The following OR51D1 variants were observed in gnomAD, a reference collection of about 807,000 sequenced individuals.
The protein encoded by OR51D1 is olfactory receptor 51D1.
For synonymous variants in OR51D1, 187 were observed against 161.1 expected (o/e 1.16, Z -1.22); for missense variants, 452 against 396.2 (o/e 1.14, Z -1.20).
Position 4,641,457 on chromosome 11 carries a change from G to C in OR51D1, c.*692G>C, listed in dbSNP as rs79505112. On this transcript the variant is annotated 3_prime_UTR_variant, in exon 2 of 2. Transcript: ENST00000641817. Reference sequence around the variant, plus strand: ...GAGAGAGGGTGCACACATGGAATACGTACTGGTTGTGTCCTGGTGAGTGTG... The same window carrying C: ...GAGAGAGGGTGCACACATGGAATACCTACTGGTTGTGTCCTGGTGAGTGTG... The C allele has an allele frequency of 0.061, 9,242 of 152,638 alleles. 380 individuals are homozygous for C. Among genetic ancestry groups the C allele is most frequent in the Non-Finnish European group, 0.089 (6,045 of 68,158 alleles). 9.5% of individuals were successfully genotyped at this position (152,638 alleles called of 1,614,324 possible). A position where few individuals can be genotyped will look rare whatever the true frequency, so the allele number is the denominator to read the frequency against.
rs769338817 is a variant in OR51D1 at position 4,642,226 on chromosome 11, G to A, written c.*1461G>A. On this transcript the variant is annotated 3_prime_UTR_variant, in exon 2 of 2. Coordinates refer to ENST00000641817, the MANE Select transcript of OR51D1 (RefSeq NM_001004751.3). ...TTCATCCTGAACACAAGGATTTCAA[G>A]GGCTTTTGTTACCTCTTCCTACGTT... The A allele has an allele frequency of 2.0e-5, 3 of 152,128 alleles. No homozygotes were observed. Among genetic ancestry groups the A allele is most frequent in the Non-Finnish European group, 2.9e-5 (2 of 68,076 alleles). 9.4% of individuals were successfully genotyped at this position (152,128 alleles called of 1,614,324 possible).
intron 1 of OR51D1, among the ~76,000 whole-genome samples, chr11:4,639,437 A>G (rs1846934227): frequency 6.6e-6 from 1 of 152,220 alleles, no homozygotes; most frequent in Non-Finnish European, 1.5e-5. Flanking sequence ...TGATGGGAAA[A>G]GGCTAAGAGC....
chr11:4,639,567 G>C (rs1230004955), intron 1 of OR51D1: 17 of 571,898 alleles, frequency 3.0e-5, no homozygotes, highest in Middle Eastern at 4.5e-4. Flanking sequence ...GCAGCACTGG[G>C]GCCTTGGAGG....
intron 1 of OR51D1, 161 bp from the exon 2 acceptor site, chr11:4,639,616 A>G (rs933945043): frequency 1.5e-6 from 1 of 677,966 alleles, no homozygotes; most frequent in East Asian, 2.6e-5. Context: ...AGTTGTATAT[A>G]AGGAGAATCA....
Position 4,640,268 on chromosome 11 carries a change from T to C in OR51D1, c.478T>C (p.Ser160Pro). 1.9e-6 allele frequency: 3 copies of C among 1,614,228 alleles called. No homozygotes were observed. Among genetic ancestry groups the C allele is most frequent in the Non-Finnish European group, 8.5e-7 (1 of 1,180,040 alleles). The change falls in exon 2 of 2, where the codon TCT (serine) becomes CCT (proline). Residue 160 changes from serine (S) to proline (P), a missense_variant. Coordinates refer to ENST00000641817, the MANE Select transcript of OR51D1 (RefSeq NM_001004751.3). Reference sequence around the variant, plus strand: ...GTGTACTGTGGCCAAGATTGGACTATCTGCCCTGACCAGGGGGTTTGTATT... The same window carrying C: ...GTGTACTGTGGCCAAGATTGGACTACCTGCCCTGACCAGGGGGTTTGTATT... Reference protein sequence around the residue: ...TGCTVAKIGLSALTRGFVFFF... With the variant: ...TGCTVAKIGLPALTRGFVFFF...
rs2133220381 is a variant in OR51D1 at position 4,641,424 on chromosome 11, A to C, written c.*659A>C. 6.5e-6 allele frequency: 1 copy of C among 153,542 alleles called. No individual in the cohort carries two copies. The highest frequency in any genetic ancestry group is 2.4e-5 in the African/African-American group (1 of 41,540). The allele number at this position is 153,542 out of a possible 1,614,324, so 9.5% of individuals were successfully genotyped here. ...TGGACACTTGCTTTTCAGTGTGCGT[A>C]TATGTGAGAGAGAGGGTGCACACAT... On this transcript the variant is annotated 3_prime_UTR_variant, in exon 2 of 2. Transcript: ENST00000641817.
Position 4,640,919 on chromosome 11 carries a change from T to G in OR51D1, c.*154T>G. 1.5e-6 allele frequency: 1 copy of G among 685,330 alleles called. No homozygotes were observed. Among genetic ancestry groups the G allele is most frequent in the Non-Finnish European group, 2.4e-6 (1 of 415,176 alleles). The allele number at this position is 685,330 out of a possible 1,614,324, so 42.5% of individuals were successfully genotyped here. On this transcript the variant is annotated 3_prime_UTR_variant, in exon 2 of 2. Coordinates refer to ENST00000641817, the MANE Select transcript of OR51D1 (RefSeq NM_001004751.3). ...TATTCTGTCTCCAGGAATGTGTCAG[T>G]ACTGAACTTATGACCCTGTCTGGAC...
At position 4,640,422 on chromosome 11, in the gene OR51D1, A is replaced by G. The variant is rs1207690715; in HGVS notation, c.632A>G (p.Tyr211Cys). The G allele has an allele frequency of 4.3e-6, 7 of 1,614,144 alleles. No individual in the cohort carries two copies. The highest frequency in any genetic ancestry group is 5.1e-6 in the Non-Finnish European group (6 of 1,180,028). ...SCTDTRVNVV[Y>C]GLFIILSVMG... ...ACTGACACCAGGGTCAATGTGGTTT[A>G]TGGACTCTTCATCATCCTCTCAGTC... is the stretch of plus-strand genomic sequence containing the variant. Residue 211 changes from tyrosine (Y) to cysteine (C), a missense_variant, in exon 2 of 2, where the codon TAT (tyrosine) becomes TGT (cysteine). Physicochemically the swap from Tyr to Cys is radical, Grantham distance 194. Transcript: ENST00000641817.
In OR51D1 at chr11:4,640,588, A is replaced by G; in HGVS notation, c.798A>G (p.Val266=). 1.3e-6 allele frequency: 2 copies of G among 1,599,300 alleles called. No individual in the cohort carries two copies. The highest frequency in any genetic ancestry group is 1.1e-5 in the South Asian group (1 of 90,560). ...TCTGTGCTGTTCTGGTCTTCTATGT[A>G]CCCCTCATTGGGCTCTCGGTGGTGC... ...SHLCAVLVFY[V]PLIGLSVVHR... is the part of the protein sequence containing the mutation. Residue 266 remains valine, a synonymous_variant, in exon 2 of 2, where the codon GTA becomes GTG. Transcript: ENST00000641817.
chr11:4,637,909 G>A (rs1233824947), intron 1 of OR51D1, among the ~76,000 whole-genome samples, 156 bp downstream of exon 1: 1 of 152,088 alleles, frequency 6.6e-6, no homozygotes, highest in East Asian at 1.9e-4. Flanking sequence ...CACTGTGAAG[G>A]GCCTTGTCTG....
chr11:4,640,349 G>T lies in OR51D1; in HGVS notation c.559G>T (p.Val187Phe). The T allele has an allele frequency of 6.2e-7, 1 of 1,614,164 alleles. No homozygotes were observed. Among genetic ancestry groups the T allele is most frequent in the Non-Finnish European group, 8.5e-7 (1 of 1,180,020 alleles). Residue 187 changes from valine (V) to phenylalanine (F), a missense_variant, in exon 2 of 2, where the codon GTC becomes TTC. Transcript: ENST00000641817. ...GTTGTCCTACTGCCAAACACATACT[G>T]TCACACACTCCTTCTGTCTGCACCA... is the stretch of plus-strand genomic sequence containing the variant. ...KWLSYCQTHTVTHSFCLHQDI... is the reference protein window; with the variant it reads ...KWLSYCQTHTFTHSFCLHQDI...
In OR51D1 at chr11:4,642,988, A is replaced by T. The variant is rs1461222780; in HGVS notation, c.*2223A>T. On this transcript the variant is annotated 3_prime_UTR_variant, in exon 2 of 2. Coordinates refer to ENST00000641817, the MANE Select transcript of OR51D1 (RefSeq NM_001004751.3). ...TGATCTATTTAACATAGCTTGATTTAGCGTGTCCTGTGTTCTGAATTTAAA... is the reference window on the plus strand; with the variant it reads ...TGATCTATTTAACATAGCTTGATTTTGCGTGTCCTGTGTTCTGAATTTAAA... 1 of 152,236 alleles carries T rather than the reference A, an allele frequency of 6.6e-6. No individual in the cohort carries two copies. The highest frequency in any genetic ancestry group is 2.4e-5 in the African/African-American group (1 of 41,458). The allele number at this position is 152,236 out of a possible 1,614,324, so 9.4% of individuals were successfully genotyped here.
At position 4,642,250 on chromosome 11, in the gene OR51D1, T is replaced by C. The variant is rs1190104067; in HGVS notation, c.*1485T>C. 1 of 152,230 alleles carries C rather than the reference T, an allele frequency of 6.6e-6. No homozygotes were observed. Among genetic ancestry groups the C allele is most frequent in the African/African-American group, 2.4e-5 (1 of 41,406 alleles). The allele number at this position is 152,230 out of a possible 1,614,324, so 9.4% of individuals were successfully genotyped here. A position where few individuals can be genotyped will look rare whatever the true frequency, so the allele number is the denominator to read the frequency against. On this transcript the variant is annotated 3_prime_UTR_variant, in exon 2 of 2. Coordinates refer to ENST00000641817, the MANE Select transcript of OR51D1 (RefSeq NM_001004751.3). ...AGGGCTTTTGTTACCTCTTCCTACG[T>C]TTCCTGCCTCTGCTATCCGAGGCAC...
chr11:4,641,053 AC>A lies in OR51D1; in HGVS notation c.*289del. On this transcript the variant is annotated 3_prime_UTR_variant, in exon 2 of 2. Coordinates refer to ENST00000641817, the MANE Select transcript of OR51D1 (RefSeq NM_001004751.3). ...TTGACATGGGGAGGCTGTAAAGATC[AC>A]ACCTCATGGTTCATTCCAGTTTTGA... is the stretch of plus-strand genomic sequence containing the variant. 3.0e-6 allele frequency: 1 copy of A among 335,846 alleles called. No homozygotes were observed. Among genetic ancestry groups the A allele is most frequent in the Non-Finnish European group, 5.5e-6 (1 of 181,694 alleles). The allele number at this position is 335,846 out of a possible 1,614,324, so 20.8% of individuals were successfully genotyped here.
At chr11:4,639,109 A>G (rs1846931221) in intron 1 of OR51D1, among the ~76,000 whole-genome samples, 2 of 152,192 alleles carry the variant, frequency 1.3e-5, no homozygotes, top group African/African-American at 4.8e-5. Flanking sequence ...TGTTTTTTAA[A>G]AAGATTTCCA....
In OR51D1 at chr11:4,640,301, C is replaced by G; in HGVS notation, c.511C>G (p.Pro171Ala). 6.2e-7 allele frequency: 1 copy of G among 1,614,184 alleles called. No individual in the cohort carries two copies. Among genetic ancestry groups the G allele is most frequent in the South Asian group, 1.1e-5 (1 of 91,080 alleles). ...ALTRGFVFFF[P>A]LPFILKWLSY... ...GACCAGGGGGTTTGTATTCTTCTTCCCACTGCCCTTCATCCTCAAGTGGTT... is the reference window on the plus strand; with the variant it reads ...GACCAGGGGGTTTGTATTCTTCTTCGCACTGCCCTTCATCCTCAAGTGGTT... Residue 171 changes from proline (P) to alanine (A), a missense_variant, in exon 2 of 2, where the codon CCA (proline) becomes GCA (alanine). By Grantham distance (27) the Pro-to-Ala change is conservative (BLOSUM62 -1). Coordinates refer to ENST00000641817, the MANE Select transcript of OR51D1 (RefSeq NM_001004751.3).
rs1846973589 is a variant in OR51D1, at chr11:4,641,984, T to C, written c.*1219T>C. The C allele has an allele frequency of 6.6e-6, 1 of 152,570 alleles. No individual in the cohort carries two copies. Among genetic ancestry groups the C allele is most frequent in the East Asian group, 1.9e-4 (1 of 5,192 alleles). The allele number at this position is 152,570 out of a possible 1,614,324, so 9.5% of individuals were successfully genotyped here. A position where few individuals can be genotyped will look rare whatever the true frequency, so the allele number is the denominator to read the frequency against. On this transcript the variant is annotated 3_prime_UTR_variant, in exon 2 of 2. Transcript: ENST00000641817. Reference sequence around the variant, plus strand: ...CAGCATCTGTATTTCTGAGCATGGATTGATGTGTGGTGTCTGTATGTATCT... The same window carrying C: ...CAGCATCTGTATTTCTGAGCATGGACTGATGTGTGGTGTCTGTATGTATCT...
Position 4,642,656 on chromosome 11 carries a change from TG to T in OR51D1, c.*1892del, listed in dbSNP as rs1846982911. On this transcript the variant is annotated 3_prime_UTR_variant, in exon 2 of 2. Coordinates refer to ENST00000641817, the MANE Select transcript of OR51D1 (RefSeq NM_001004751.3). ...GGAAGCCAGTCAATCTCCCTTCTGTTGCCGCATGGAAACTCCCTTAAGGCAG... is the reference window on the plus strand; with the variant it reads ...GGAAGCCAGTCAATCTCCCTTCTGTTCCGCATGGAAACTCCCTTAAGGCAG... 1 of 152,062 alleles carries T rather than the reference TG, an allele frequency of 6.6e-6. No individual in the cohort carries two copies. The highest frequency in any genetic ancestry group is 6.6e-5 in the Admixed American group (1 of 15,264). The allele number at this position is 152,062 out of a possible 1,614,324, so 9.4% of individuals were successfully genotyped here.
Position 4,641,642 on chromosome 11 carries a change from G to C in OR51D1, c.*877G>C, listed in dbSNP as rs951484937. The C allele has an allele frequency of 3.3e-5, 5 of 152,460 alleles. No individual in the cohort carries two copies. Among genetic ancestry groups the C allele is most frequent in the African/African-American group, 7.2e-5 (3 of 41,442 alleles). 9.4% of individuals were successfully genotyped at this position (152,460 alleles called of 1,614,324 possible). A position where few individuals can be genotyped will look rare whatever the true frequency, so the allele number is the denominator to read the frequency against. ...CAGTACCTTTATGTGTATCTGGTAAGAATGCTGCCTCTACCTTTTCTTCCT... is the reference window on the plus strand; with the variant it reads ...CAGTACCTTTATGTGTATCTGGTAACAATGCTGCCTCTACCTTTTCTTCCT... On this transcript the variant is annotated 3_prime_UTR_variant, in exon 2 of 2. Coordinates refer to ENST00000641817, the MANE Select transcript of OR51D1 (RefSeq NM_001004751.3).
Sources: allele counts gnomAD v4.1 joint callset (sites outside exome capture counted in the v4.1 genomes callset), GRCh38; gene constraint gnomAD v4.1.1; transcripts MANE v1.5; gene names NCBI Gene and HGNC (gene_info 2026-07-23, HGNC 2026-07-21).